The following CPLX2 variants were observed in gnomAD, a reference collection of about 807,000 sequenced individuals.
CPLX2 encodes complexin-2.
CPLX2 carries 5 observed loss-of-function variants against 16.3 expected under a neutral mutation model. The ratio of observed to expected loss-of-function variants is 0.31; its 90% CI spans 0.16 to 0.64. The LOEUF (loss-of-function observed/expected upper bound fraction) is 0.64. Among genes scored for constraint, CPLX2 ranks in the 30% least tolerant of loss-of-function variants. CPLX2 has a pLI of 0.79. For synonymous variants in CPLX2, 89 were observed against 73.2 expected (o/e 1.22, Z -1.10); for missense variants, 144 against 181.4 (o/e 0.79, Z 1.18).
At chr5:175,848,277 A>T (rs571274731) in intron 2 of CPLX2, among the ~76,000 whole-genome samples, 2 of 152,188 alleles carry the variant, frequency 1.3e-5, no homozygotes, top group Non-Finnish European at 2.9e-5. Flanking sequence ...AAAGGCCCCA[A>T]AAAGGAGGGA....
intron 1 of CPLX2, among the ~76,000 whole-genome samples, chr5:175,801,951 G>A (rs906566880): frequency 1.3e-5 from 2 of 152,070 alleles, no homozygotes; most frequent in Non-Finnish European, 2.9e-5. Flanking sequence ...GAGAGGGAAG[G>A]GAACTAACCC....
At chr5:175,818,438 T>G (rs975191039) in intron 2 of CPLX2, among the ~76,000 whole-genome samples, 1 of 152,114 alleles carries the variant, frequency 6.6e-6, no homozygotes, top group African/African-American at 2.4e-5. Context: ...GCGAGTTGTT[T>G]TTCATTTTTG....
rs70988300 is a variant in CPLX2 at position 175,818,650 on chromosome 5, C to CTTTTTTT, written c.-89+9605_-89+9611dup. ...CTGCAAAAGGAGCTGCTGTCCCAAC[C>CTTTTTTT]TTTTTTTTTTTTTTTTTTTTTTTTT... is the stretch of plus-strand genomic sequence containing the variant. On this transcript the variant is annotated intron_variant, in intron 2 of 4. Transcript: ENST00000359546. Among the ~76,000 whole-genome samples the CTTTTTTT allele has an allele frequency of 1.6e-3, 80 of 50,868 alleles. 17 individuals are homozygous for CTTTTTTT. Among genetic ancestry groups the CTTTTTTT allele is most frequent in the African/African-American group, 4.3e-3 (58 of 13,538 alleles). The allele number at this position is 50,868 out of a possible 152,430, so 33.4% of individuals were successfully genotyped here. A position where few individuals can be genotyped will look rare whatever the true frequency, so the allele number is the denominator to read the frequency against.
At chr5:175,879,778 T>A (rs776453197) in intron 3 of CPLX2, 70 bp from the exon 4 acceptor site, 11 of 1,448,222 alleles carry the variant, frequency 7.6e-6, no homozygotes, top group Admixed American at 5.9e-5. Flanking sequence ...CAGTGCTGCA[T>A]GATCATGAGA....
intron 1 of CPLX2, among the ~76,000 whole-genome samples, chr5:175,797,235 G>C (rs979577516): frequency 5.9e-5 from 9 of 152,198 alleles, no homozygotes. Flanking sequence ...GCCTAGGGGT[G>C]GCGTGAGGCC....
chr5:175,833,432 C>A (rs1174309116), intron 2 of CPLX2, among the ~76,000 whole-genome samples: 2 of 152,066 alleles, frequency 1.3e-5, no homozygotes, highest in Non-Finnish European at 2.9e-5. Context: ...GTCTGTAATA[C>A]AAAGAAGCAT....
chr5:175,811,787 G>A (rs1405257014), intron 2 of CPLX2, among the ~76,000 whole-genome samples: 1 of 152,240 alleles, frequency 6.6e-6, no homozygotes, highest in Non-Finnish European at 1.5e-5. Context: ...GCACTGAAGA[G>A]CTGGATAGCA....
upstream of CPLX2, among the ~76,000 whole-genome samples, chr5:175,868,492 C>G (rs1346286117): frequency 6.6e-6 from 1 of 152,190 alleles, no homozygotes; most frequent in East Asian, 1.9e-4. Flanking sequence ...GGAAATTCAG[C>G]TCCAGTCAGG....
chr5:175,826,125 G>A (rs1050241599), intron 2 of CPLX2, among the ~76,000 whole-genome samples: 7 of 151,954 alleles, frequency 4.6e-5, no homozygotes, highest in African/African-American at 1.2e-4. Flanking sequence ...AGAGGGCTGC[G>A]ATAAAGGTGT....
intron 1 of CPLX2, among the ~76,000 whole-genome samples, chr5:175,806,775 G>C (rs1275769726): frequency 1.3e-5 from 2 of 152,040 alleles, no homozygotes; most frequent in Non-Finnish European, 2.9e-5. Flanking sequence ...TGGGATTACA[G>C]GTGTGAGCCA....
At chr5:175,836,773 C>A (rs1424944315) in intron 2 of CPLX2, among the ~76,000 whole-genome samples, 1 of 152,242 alleles carries the variant, frequency 6.6e-6, no homozygotes, top group Admixed American at 6.5e-5. Flanking sequence ...TAATCATTCT[C>A]AATCCATGCC....
chr5:175,812,427 C>A (rs1758328836), intron 2 of CPLX2, among the ~76,000 whole-genome samples: 1 of 152,190 alleles, frequency 6.6e-6, no homozygotes, highest in African/African-American at 2.4e-5. Context: ...TCCTATCATC[C>A]CCTTTGTACC....
chr5:175,804,723 C>A (rs1343602412), intron 1 of CPLX2, among the ~76,000 whole-genome samples: 1 of 152,148 alleles, frequency 6.6e-6, no homozygotes, highest in Non-Finnish European at 1.5e-5. Flanking sequence ...GATTGACACA[C>A]CCCGGTGATT....
intron 2 of CPLX2, among the ~76,000 whole-genome samples, chr5:175,839,032 C>T (rs1758895171): frequency 6.6e-6 from 1 of 152,082 alleles, no homozygotes; most frequent in Non-Finnish European, 1.5e-5. Context: ...GCAACAAACC[C>T]AGTGTAATGC....
intron 1 of CPLX2, among the ~76,000 whole-genome samples, chr5:175,877,027 T>C (rs1445942133): frequency 1.3e-5 from 2 of 152,150 alleles, no homozygotes; most frequent in African/African-American, 4.8e-5. Context: ...TATGAGTTCC[T>C]GCAACACCCC....
Position 175,817,175 on chromosome 5 carries a change from T to G in CPLX2, c.-89+8107T>G, listed in dbSNP as rs1386629790. Among the ~76,000 whole-genome samples, 8 of 152,208 alleles carry G rather than the reference T, an allele frequency of 5.3e-5. No individual in the cohort carries two copies. In the South Asian group the frequency reaches 6.2e-4, roughly 12 times the overall value. ...CAGGCTATATCACAACAGCAGATGT[T>G]TCTTTGGGATGGAATCACAGGATCT... On this transcript the variant is annotated intron_variant, in intron 2 of 4. Coordinates refer to the CPLX2 transcript ENST00000359546.
At chr5:175,866,410 A>G (rs78944648) in intron 2 of CPLX2, among the ~76,000 whole-genome samples, 4,020 of 152,336 alleles carry the variant, frequency 0.026, 189 homozygotes, top group African/African-American at 0.091. Context: ...CTACCAAAAT[A>G]TTCTTCCTTT....
chr5:175,837,670 T>C (rs141715324), intron 2 of CPLX2: 5 of 152,248 alleles, frequency 3.3e-5, no homozygotes, highest in Admixed American at 2.0e-4. Flanking sequence ...ATTCAGTTCA[T>C]TGTTGCTCCA....
chr5:175,829,297 T>C (rs1409430339), intron 2 of CPLX2, among the ~76,000 whole-genome samples: 1 of 152,192 alleles, frequency 6.6e-6, no homozygotes, highest in African/African-American at 2.4e-5. Context: ...TGAAACCAGC[T>C]GGTAAATAAG....
Sources: gnomAD v4.1 joint callset for allele counts (sites outside exome capture counted in the v4.1 genomes callset) on GRCh38, gnomAD v4.1.1 for gene constraint, MANE v1.5 for transcripts, NCBI Gene and HGNC (gene_info 2026-07-23, HGNC 2026-07-21) for gene names.